The following NPAS3 variants were observed in gnomAD, a reference collection of about 807,000 sequenced individuals.
NPAS3 encodes the protein neuronal PAS domain protein 3, also known as neuronal PAS domain-containing protein 3.
A neutral mutation model predicts 73.1 loss-of-function variants in NPAS3; 14 were observed. The ratio of observed to expected loss-of-function variants is 0.19; its 90% CI spans 0.13 to 0.30. The LOEUF is 0.30. Among genes scored for constraint, NPAS3 ranks in the 10% least tolerant of loss-of-function variants. NPAS3 has a pLI of 1.00. For missense variants in NPAS3, 1,096 were observed against 1,250.0 expected, an observed-to-expected ratio of 0.88 and a Z score of 1.86; for synonymous variants, 620 against 541.5, an observed-to-expected ratio of 1.14 and a Z score of -2.01.
intron 2 of NPAS3, among the ~76,000 whole-genome samples, chr14:33,103,407 T>G (rs2042634085): frequency 6.6e-6 from 1 of 152,170 alleles, no homozygotes; most frequent in South Asian, 2.1e-4. Context: ...TTCTGTATAT[T>G]ATTTCTGGCT....
At chr14:33,357,737 A>G (rs1345623372) in intron 3 of NPAS3, among the ~76,000 whole-genome samples, 1 of 152,214 alleles carries the variant, frequency 6.6e-6, no homozygotes, top group African/African-American at 2.4e-5. Context: ...AAAGCACAGA[A>G]TGACTCCTCT....
At chr14:33,190,457 TTTC>T (rs1273967134) in intron 2 of NPAS3, among the ~76,000 whole-genome samples, 8 of 152,270 alleles carry the variant, frequency 5.3e-5, no homozygotes, top group Non-Finnish European at 1.2e-4. Context: ...TGCCTTTATA[TTTC>T]TCTGTCTTGT....
intron 5 of NPAS3, among the ~76,000 whole-genome samples, chr14:33,610,419 A>G (rs1024287153): frequency 5.3e-5 from 8 of 152,116 alleles, no homozygotes; most frequent in Non-Finnish European, 1.0e-4. Flanking sequence ...TTACAAAATA[A>G]AGTTTTTCCC....
chr14:33,607,405 A>G (rs942090166), intron 5 of NPAS3, among the ~76,000 whole-genome samples: 1 of 135,854 alleles, frequency 7.4e-6, no homozygotes, highest in Non-Finnish European at 1.5e-5. Context: ...ATTAAGCCAA[A>G]CCAAAAAAAA....
chr14:33,244,765 G>C (rs1265555098), intron 3 of NPAS3, among the ~76,000 whole-genome samples: 1 of 152,082 alleles, frequency 6.6e-6, no homozygotes. Flanking sequence ...AACCTGGAAT[G>C]CCAAAAGCTA....
At chr14:33,478,049 T>C (rs1431651237) in intron 4 of NPAS3, among the ~76,000 whole-genome samples, 5 of 152,126 alleles carry the variant, frequency 3.3e-5, no homozygotes, top group African/African-American at 1.2e-4. Context: ...GTGGGGGAAC[T>C]GGCAACACTC....
chr14:33,795,472 T>A (rs2063485088), intron 10 of NPAS3, among the ~76,000 whole-genome samples: 1 of 152,212 alleles, frequency 6.6e-6, no homozygotes, highest in South Asian at 2.1e-4. Context: ...AAAACTCACA[T>A]GCCAGACAGA....
At chr14:33,773,576 G>A (rs945056444) in intron 7 of NPAS3, among the ~76,000 whole-genome samples, 1 of 152,160 alleles carries the variant, frequency 6.6e-6, no homozygotes, top group Non-Finnish European at 1.5e-5. Context: ...GCTTGGTTCC[G>A]GGTGGCCTGG....
At chr14:33,546,069 CCT>C (rs2054829059) in intron 4 of NPAS3, among the ~76,000 whole-genome samples, 1 of 152,180 alleles carries the variant, frequency 6.6e-6, no homozygotes. Context: ...CTAGAAGCCT[CCT>C]CTGCCACACC....
chr14:33,754,196 G>C (rs992886484), intron 7 of NPAS3, among the ~76,000 whole-genome samples: 2 of 152,140 alleles, frequency 1.3e-5, no homozygotes, highest in Non-Finnish European at 2.9e-5. Context: ...AAGCATTGCT[G>C]TCTAATATTA....
intron 3 of NPAS3, among the ~76,000 whole-genome samples, chr14:33,351,319 G>A (rs1277488741): frequency 3.9e-5 from 6 of 152,110 alleles, no homozygotes; most frequent in Non-Finnish European, 4.4e-5. Context: ...TGACATGACC[G>A]ATGAGGACTG....
intron 5 of NPAS3, among the ~76,000 whole-genome samples, chr14:33,662,869 CTTTTTTTTTTTT>C (rs550747845): frequency 3.3e-5 from 3 of 89,896 alleles, no homozygotes; most frequent in African/African-American, 1.4e-4. Context: ...TGGGGTTTTC[CTTTTTTTTTTTT>C]TTTTTTTTTT....
At chr14:33,667,593 G>C (rs558194937) in intron 5 of NPAS3, among the ~76,000 whole-genome samples, 54 of 152,276 alleles carry the variant, frequency 3.5e-4, no homozygotes, top group African/African-American at 1.3e-3. Context: ...AGCACCTAGA[G>C]AGTGTTTAGG....
intron 2 of NPAS3, among the ~76,000 whole-genome samples, chr14:33,096,442 TTCAAA>T (rs1288539337): frequency 1.3e-5 from 2 of 152,324 alleles, no homozygotes; most frequent in Admixed American, 1.3e-4. Context: ...CCAATTTAGT[TTCAAA>T]AACGAAGCTA....
chr14:33,236,229 T>A (rs1594471040), intron 3 of NPAS3, among the ~76,000 whole-genome samples: 2 of 152,202 alleles, frequency 1.3e-5, no homozygotes, highest in South Asian at 4.1e-4. Context: ...AAGTGGTGGA[T>A]TGAAGCTGAA....
rs894507164 is a variant in NPAS3 at position 33,365,123 on chromosome 14, C to A, written c.386-2063C>A. Among the ~76,000 whole-genome samples the A allele has an allele frequency of 2.3e-5, 3 of 130,236 alleles. No individual in the cohort carries two copies. In the Admixed American group the frequency reaches 2.8e-4, roughly 12 times the overall value. 85.4% of individuals were successfully genotyped at this position (130,236 alleles called of 152,430 possible). On this transcript the variant is annotated intron_variant, in intron 3 of 11. Coordinates refer to ENST00000356141, the Ensembl canonical transcript of NPAS3. ...GCTTTCTGAATCCTAATTACTGTCT[C>A]AAAAACAGAGTGGACACTTGAGAAG...
intron 7 of NPAS3, among the ~76,000 whole-genome samples, chr14:33,769,764 T>TTC (rs1555330676): frequency 7.7e-6 from 1 of 130,270 alleles, no homozygotes; most frequent in Non-Finnish European, 1.6e-5. Flanking sequence ...TTCTTTTTTT[T>TTC]TTTTTTTTTT....
chr14:33,506,789 T>C (rs1346146781), intron 4 of NPAS3, among the ~76,000 whole-genome samples: 1 of 152,056 alleles, frequency 6.6e-6, no homozygotes, highest in Non-Finnish European at 1.5e-5. Context: ...TAGATTACTG[T>C]GTAGGAAGAC....
intron 4 of NPAS3, among the ~76,000 whole-genome samples, chr14:33,472,288 G>A (rs1020956874): frequency 2.0e-5 from 3 of 152,178 alleles, no homozygotes; most frequent in Non-Finnish European, 4.4e-5. Context: ...GCCAGAGGAA[G>A]AGATTAGGTT....
Sources: allele counts gnomAD v4.1 joint callset (sites outside exome capture counted in the v4.1 genomes callset), GRCh38; gene constraint gnomAD v4.1.1; transcripts MANE v1.5; gene names NCBI Gene and HGNC (gene_info 2026-07-23, HGNC 2026-07-21).